The following MED12L variants were observed in gnomAD, a reference collection of about 807,000 sequenced individuals.
MED12L encodes the protein mediator complex subunit 12L.
In MED12L, 60 loss-of-function variants were observed where a neutral mutation model predicts 281.3. The ratio of observed to expected loss-of-function variants is 0.21; its 90% CI spans 0.17 to 0.26. The LOEUF (loss-of-function observed/expected upper bound fraction) is 0.26. MED12L is among the 10% of genes least tolerant of loss of function. MED12L has a pLI of 1.00. For missense variants in MED12L, 2,146 were observed against 2,680.9 expected (o/e 0.80, Z 4.41); for synonymous variants, 974 against 987.2 (o/e 0.99, Z 0.25).
intron 5 of MED12L, among the ~76,000 whole-genome samples, chr3:151,145,398 G>C (rs1469378506): frequency 6.6e-6 from 1 of 152,188 alleles, no homozygotes; most frequent in African/African-American, 2.4e-5. Context: ...CCCACATATG[G>C]TAATGTTCGC....
chr3:151,436,622 T>G lies in MED12L; in HGVS notation c.*3818T>G. ...TCAAATTCATTTACATGCCTATGGC[T>G]GCCTTTGATTAAACTTCTTCCAAAA... On this transcript the variant is annotated 3_prime_UTR_variant, in exon 45 of 45. Transcript: ENST00000687756. 1 of 1,098,268 alleles carries G rather than the reference T, an allele frequency of 9.1e-7. No individual in the cohort carries two copies. The highest frequency in any genetic ancestry group is 1.3e-6 in the Non-Finnish European group (1 of 753,952). 68.0% of individuals were successfully genotyped at this position (1,098,268 alleles called of 1,614,324 possible).
chr3:151,328,324 A>G, intron 16 of MED12L: 5 of 1,613,442 alleles, frequency 3.1e-6, no homozygotes, highest in Non-Finnish European at 4.2e-6. Flanking sequence ...TTCTGTCCTT[A>G]CTTTTGGACT....
chr3:151,236,342 G>T (rs1732795754), intron 16 of MED12L, among the ~76,000 whole-genome samples: 1 of 152,128 alleles, frequency 6.6e-6, no homozygotes. Context: ...AACATATATA[G>T]ATATCCTTTT....
intron 21 of MED12L, among the ~76,000 whole-genome samples, chr3:151,361,713 A>G (rs991086238): frequency 1.1e-4 from 16 of 152,146 alleles, no homozygotes; most frequent in Non-Finnish European, 2.9e-5. Context: ...GTGAGAGACA[A>G]TATTCTGTGC....
chr3:151,141,169 TTTTTTTTTG>T (rs1339895544), intron 5 of MED12L, among the ~76,000 whole-genome samples: 17 of 129,026 alleles, frequency 1.3e-4, no homozygotes, highest in African/African-American at 3.7e-4. Flanking sequence ...GCCTGGCGTT[TTTTTTTTTG>T]TTTTTTTTGT....
intron 11 of MED12L, among the ~76,000 whole-genome samples, chr3:151,175,936 G>A (rs976173089): frequency 6.6e-6 from 1 of 152,130 alleles, no homozygotes; most frequent in Non-Finnish European, 1.5e-5. Flanking sequence ...AAACAATGCT[G>A]TTATTTGAAG....
intron 37 of MED12L, among the ~76,000 whole-genome samples, chr3:151,388,926 T>C (rs1056872420): frequency 1.3e-5 from 2 of 152,238 alleles, no homozygotes; most frequent in African/African-American, 2.4e-5. Context: ...TTAATGAAAT[T>C]CCACAGCATT....
At chr3:151,392,035 T>C (rs1412021316) in intron 38 of MED12L, among the ~76,000 whole-genome samples, 1 of 152,056 alleles carries the variant, frequency 6.6e-6, no homozygotes, top group African/African-American at 2.4e-5. Flanking sequence ...AGTTTGTTTG[T>C]AGATATTTGA....
At chr3:151,281,750 C>T (rs1037364619) in intron 16 of MED12L, among the ~76,000 whole-genome samples, 6 of 152,186 alleles carry the variant, frequency 3.9e-5, no homozygotes, top group African/African-American at 1.4e-4. Context: ...ACAACCACCC[C>T]TAGCCCACCC....
chr3:151,428,103 T>C (rs974692970), intron 43 of MED12L, among the ~76,000 whole-genome samples: 1 of 152,242 alleles, frequency 6.6e-6, no homozygotes. Context: ...TCCTACATTT[T>C]GCCTGGTCTG....
chr3:151,383,301 G>A lies in MED12L; in HGVS notation c.4681-478G>A, dbSNP rs1162798249. Among the ~76,000 whole-genome samples, 3 of 152,316 alleles carry A rather than the reference G, an allele frequency of 2.0e-5. No individual in the cohort carries two copies. The East Asian group carries it at 5.8e-4, about 29-fold the overall frequency. On this transcript the variant is annotated intron_variant, in intron 33 of 44. Coordinates refer to ENST00000687756, the MANE Select transcript of MED12L (RefSeq NM_001393769.1). Reference sequence around the variant, plus strand: ...TGTTTCTAACCTTGTCCCAACACGTGAACTGGTAGGTGTGCGGGCCAAGCC... The same window carrying A: ...TGTTTCTAACCTTGTCCCAACACGTAAACTGGTAGGTGTGCGGGCCAAGCC...
At chr3:151,090,931 C>G (rs1034098420) in intron 2 of MED12L, among the ~76,000 whole-genome samples, 1 of 152,116 alleles carries the variant, frequency 6.6e-6, no homozygotes, top group Non-Finnish European at 1.5e-5. Flanking sequence ...ATCCCAGCTA[C>G]TTGGGAGGCT....
At chr3:151,397,513 A>G (rs1355030608) in intron 39 of MED12L, among the ~76,000 whole-genome samples, 1 of 152,226 alleles carries the variant, frequency 6.6e-6, no homozygotes, top group Non-Finnish European at 1.5e-5. Flanking sequence ...GATCATGTAT[A>G]AGCTATTAAT....
chr3:151,228,514 C>G (rs1231197980), intron 16 of MED12L, among the ~76,000 whole-genome samples: 1 of 152,300 alleles, frequency 6.6e-6, no homozygotes, highest in African/African-American at 2.4e-5. Context: ...TTCAGGGCTG[C>G]AGGAGGCACA....
At chr3:151,192,480 TG>T in intron 14 of MED12L, 69 bp from the exon 15 acceptor site, 1 of 1,082,890 alleles carries the variant, frequency 9.2e-7, no homozygotes, top group Non-Finnish European at 1.4e-6. Flanking sequence ...CCCACTGTCA[TG>T]TTTTAGCTTC....
At chr3:151,373,384 A>G (rs1003359715) in intron 27 of MED12L, among the ~76,000 whole-genome samples, 1 of 152,168 alleles carries the variant, frequency 6.6e-6, no homozygotes, top group Admixed American at 6.5e-5. Context: ...AAGATTAGTA[A>G]CTATACAGTG....
At chr3:151,392,044 G>A (rs1714301445) in intron 38 of MED12L, among the ~76,000 whole-genome samples, 1 of 152,178 alleles carries the variant, frequency 6.6e-6, no homozygotes, top group Non-Finnish European at 1.5e-5. Flanking sequence ...GTAGATATTT[G>A]ACACACAAGG....
At chr3:151,302,639 T>G (rs1201675758) in intron 16 of MED12L, among the ~76,000 whole-genome samples, 1 of 152,204 alleles carries the variant, frequency 6.6e-6, no homozygotes, top group Non-Finnish European at 1.5e-5. Flanking sequence ...AACTGCAGAC[T>G]GTCAGCCATA....
intron 16 of MED12L, among the ~76,000 whole-genome samples, chr3:151,310,597 GAGTTGA>G (rs1747371194): frequency 6.6e-6 from 1 of 152,160 alleles, no homozygotes; most frequent in Non-Finnish European, 1.5e-5. Flanking sequence ...TTTCCTGTTG[GAGTTGA>G]GATCCACCTT....
Sources: allele counts gnomAD v4.1 joint callset (sites outside exome capture counted in the v4.1 genomes callset), GRCh38; gene constraint gnomAD v4.1.1; transcripts MANE v1.5; gene names NCBI Gene and HGNC (gene_info 2026-07-23, HGNC 2026-07-21).